Variants in GALNTL6 observed in about 807,000 individuals in gnomAD.
GALNTL6 encodes the protein polypeptide N-acetylgalactosaminyltransferase-like 6.
A neutral mutation model predicts 73.7 loss-of-function variants in GALNTL6; 46 were observed. The observed-to-expected ratio is 0.62, with a 90% confidence interval of 0.49 to 0.80. GALNTL6 has a LOEUF of 0.80. Among genes scored for constraint, GALNTL6 ranks in the 30% least tolerant of loss-of-function variants. The pLI, the probability that GALNTL6 is intolerant of heterozygous loss-of-function variation, is 0.00. For synonymous variants in GALNTL6, 259 were observed against 263.7 expected, an observed-to-expected ratio of 0.98 and a Z score of 0.17; for missense variants, 604 against 755.0, an observed-to-expected ratio of 0.80 and a Z score of 2.34.
intron 5 of GALNTL6, among the ~76,000 whole-genome samples, chr4:172,740,682 T>C (rs1392906366): frequency 6.6e-6 from 1 of 152,052 alleles, no homozygotes; most frequent in Admixed American, 6.6e-5. Flanking sequence ...TACTACATGG[T>C]GTGTGGGATT....
intron 5 of GALNTL6, among the ~76,000 whole-genome samples, chr4:172,624,164 C>G (rs7671314): frequency 3.3e-5 from 5 of 151,878 alleles, no homozygotes; most frequent in African/African-American, 1.2e-4. Context: ...ACTCTTCTAG[C>G]TTAAGCAAAA....
At chr4:172,833,290 T>C (rs935525994) in intron 7 of GALNTL6, among the ~76,000 whole-genome samples, 1 of 146,984 alleles carries the variant, frequency 6.8e-6, no homozygotes, top group African/African-American at 2.5e-5. Context: ...CTTATGTTGA[T>C]AGTTTGTAGA....
chr4:172,449,404 C>A (rs896524221), intron 5 of GALNTL6, among the ~76,000 whole-genome samples: 3 of 152,172 alleles, frequency 2.0e-5, no homozygotes, highest in African/African-American at 7.2e-5. Context: ...TTTCTACCTT[C>A]CATTAACCCT....
intron 2 of GALNTL6, among the ~76,000 whole-genome samples, chr4:172,025,053 T>C (rs911985574): frequency 6.6e-6 from 1 of 152,046 alleles, no homozygotes; most frequent in Non-Finnish European, 1.5e-5. Flanking sequence ...TGACCCTCAA[T>C]GCTTCACAGC....
chr4:172,738,441 C>T (rs1490730755), intron 5 of GALNTL6, among the ~76,000 whole-genome samples: 2 of 151,972 alleles, frequency 1.3e-5, no homozygotes, highest in Non-Finnish European at 2.9e-5. Context: ...GGGAATGAAG[C>T]CAGCTTGTCT....
intron 5 of GALNTL6, among the ~76,000 whole-genome samples, chr4:172,373,206 C>T (rs558578007): frequency 8.5e-5 from 13 of 152,194 alleles, no homozygotes; most frequent in African/African-American, 2.9e-4. Context: ...TAAGTTGGGA[C>T]GTGTGGTCTG....
At chr4:171,827,176 G>A (rs1734847280) in intron 2 of GALNTL6, among the ~76,000 whole-genome samples, 2 of 152,110 alleles carry the variant, frequency 1.3e-5, no homozygotes, top group African/African-American at 4.8e-5. Context: ...CAAGACTAGT[G>A]CATATGCCAC....
chr4:172,731,369 C>G (rs1736140975), intron 5 of GALNTL6, among the ~76,000 whole-genome samples: 1 of 151,882 alleles, frequency 6.6e-6, no homozygotes, highest in Non-Finnish European at 1.5e-5. Context: ...TGTAATGATT[C>G]TTTGTATTTC....
rs535343363 is a variant in GALNTL6, at chr4:171,846,727, T to G, written c.138+32009T>G. 2.6e-4 allele frequency among the ~76,000 whole-genome samples: 39 copies of G among 149,542 alleles called. 1 individual carries two copies. Among genetic ancestry groups the G allele is most frequent in the African/African-American group, 9.5e-4 (39 of 41,064 alleles). ...ACATATATAGATTTTTATATATTTATAGATATATATGGATATGTATATTCA... is the reference window on the plus strand; with the variant it reads ...ACATATATAGATTTTTATATATTTAGAGATATATATGGATATGTATATTCA... On this transcript the variant is annotated intron_variant, in intron 2 of 12. Coordinates refer to ENST00000506823, the MANE Select transcript of GALNTL6 (RefSeq NM_001034845.3).
At chr4:172,718,871 A>G (rs1298296136) in intron 5 of GALNTL6, among the ~76,000 whole-genome samples, 1 of 151,802 alleles carries the variant, frequency 6.6e-6, no homozygotes, top group South Asian at 2.1e-4. Flanking sequence ...TCAAAGTTTT[A>G]GGAATAAGAG....
intron 4 of GALNTL6, among the ~76,000 whole-genome samples, chr4:172,323,982 C>A (rs1248804018): frequency 6.6e-5 from 10 of 151,940 alleles, no homozygotes; most frequent in African/African-American, 2.4e-4. Flanking sequence ...TCAGGGAATT[C>A]CTTTGATTAT....
chr4:172,316,689 T>G (rs188629394), intron 4 of GALNTL6, among the ~76,000 whole-genome samples: 2 of 152,218 alleles, frequency 1.3e-5, no homozygotes, highest in Admixed American at 6.5e-5. Context: ...ATTTGAGAGA[T>G]AGCCCCAGAA....
At chr4:172,628,845 C>G (rs837193) in intron 5 of GALNTL6, among the ~76,000 whole-genome samples, 1 of 151,992 alleles carries the variant, frequency 6.6e-6, no homozygotes, top group African/African-American at 2.4e-5. Flanking sequence ...GAAAATGTAA[C>G]CTTTCTTGGT....
chr4:172,358,375 C>T (rs766221257), intron 5 of GALNTL6, among the ~76,000 whole-genome samples: 9 of 152,250 alleles, frequency 5.9e-5, no homozygotes, highest in Non-Finnish European at 1.0e-4. Context: ...TACTGCTTTG[C>T]GTAAGTTCAT....
chr4:172,143,380 T>G (rs1443448796), intron 2 of GALNTL6, among the ~76,000 whole-genome samples: 1 of 152,020 alleles, frequency 6.6e-6, no homozygotes, highest in African/African-American at 2.4e-5. Context: ...AATTATATTT[T>G]AAACTTTTTA....
At chr4:173,007,316 G>A (rs545033942) in intron 10 of GALNTL6, among the ~76,000 whole-genome samples, 43 of 152,196 alleles carry the variant, frequency 2.8e-4, no homozygotes, top group South Asian at 6.2e-4. Flanking sequence ...GGCCCATCCT[G>A]GTTTTGTTTC....
At chr4:172,651,175 C>T (rs1294747852) in intron 5 of GALNTL6, among the ~76,000 whole-genome samples, 2 of 152,188 alleles carry the variant, frequency 1.3e-5, no homozygotes, top group African/African-American at 4.8e-5. Flanking sequence ...GGTACAGGGA[C>T]TTCTGGCCCA....
intron 5 of GALNTL6, among the ~76,000 whole-genome samples, chr4:172,657,407 A>G (rs1731090198): frequency 6.6e-6 from 1 of 152,254 alleles, no homozygotes; most frequent in African/African-American, 2.4e-5. Context: ...GAGTTGAAGC[A>G]TGAAGTAAAA....
intron 5 of GALNTL6, among the ~76,000 whole-genome samples, chr4:172,612,893 A>G (rs1738581871): frequency 6.6e-6 from 1 of 152,092 alleles, no homozygotes; most frequent in African/African-American, 2.4e-5. Flanking sequence ...TAAAATGAAA[A>G]AAGAACAGAG....
Sources: allele counts gnomAD v4.1 joint callset (sites outside exome capture counted in the v4.1 genomes callset), GRCh38; gene constraint gnomAD v4.1.1; transcripts MANE v1.5; gene names NCBI Gene and HGNC (gene_info 2026-07-23, HGNC 2026-07-21).